The following EHBP1L1 variants were observed in gnomAD, a reference collection of about 807,000 sequenced individuals.
EHBP1L1 encodes EH domain-binding protein 1-like protein 1.
A neutral mutation model predicts 151.1 loss-of-function variants in EHBP1L1; 122 were observed. The observed-to-expected ratio is 0.81, with a 90% CI of 0.70 to 0.94. The LOEUF is 0.94. Among genes scored for constraint, EHBP1L1 ranks in the 40% least tolerant of loss-of-function variants. The pLI, the probability that EHBP1L1 is intolerant of heterozygous loss-of-function variation, is 0.00. For missense variants in EHBP1L1, 1,941 were observed against 1,959.8 expected, an observed-to-expected ratio of 0.99 and a Z score of 0.18; for synonymous variants, 878 against 810.1, an observed-to-expected ratio of 1.08 and a Z score of -1.42.
rs1264219391 is a variant in EHBP1L1, at chr11:65,580,411, C to T, written c.566C>T (p.Ala189Val). ...PSDVGNLDDF[A>V]ESDEDEAHGP... Reference sequence around the variant, plus strand: ...GATGTGGGCAACTTGGATGACTTTGCTGAGAGTGATGAAGATGAGGCTCAT... The same window carrying T: ...GATGTGGGCAACTTGGATGACTTTGTTGAGAGTGATGAAGATGAGGCTCAT... The change falls in exon 6 of 19, where the codon GCT (alanine) becomes GTT (valine). Residue 189 changes from alanine to valine, a missense_variant. Physicochemically the swap from Ala to Val is moderately conservative, Grantham distance 64. Coordinates refer to ENST00000309295, the MANE Select transcript of EHBP1L1 (RefSeq NM_001099409.3). The T allele has an allele frequency of 1.9e-6, 3 of 1,613,724 alleles. No homozygotes were observed. The highest frequency in any genetic ancestry group is 1.7e-5 in the Admixed American group (1 of 60,018).
chr11:65,580,095 G>A lies in EHBP1L1; in HGVS notation c.327G>A (p.Gln109=). 6.2e-7 allele frequency: 1 copy of A among 1,613,118 alleles called. No homozygotes were observed. The highest frequency in any genetic ancestry group is 8.5e-7 in the Non-Finnish European group (1 of 1,179,398). ...CTGGCCCACAGGAGTCTAAGGGGCA[G>A]CGGAAGGTGCTGGCCACGGCCGAGG... ...TFIIENESKG[Q]RKVLATAEVD... Residue 109 remains glutamine, a synonymous_variant, in exon 5 of 19, where the codon CAG becomes CAA. Transcript: ENST00000309295.
rs73490441 is a variant in EHBP1L1, at chr11:65,584,215, C to T, written c.3094-26C>T. 5.5e-4 allele frequency: 876 copies of T among 1,600,946 alleles called. 6 individuals carry two copies. In the African/African-American group the frequency reaches 0.01, roughly 19 times the overall value. Reference sequence around the variant, plus strand: ...AGGGCATACATCCCATTTATACATTCCCTAAGCCCACCCCTGTGTCCTCAG... The same window carrying T: ...AGGGCATACATCCCATTTATACATTTCCTAAGCCCACCCCTGTGTCCTCAG... On this transcript the variant is annotated intron_variant, in intron 9 of 18. Coordinates refer to ENST00000309295, the MANE Select transcript of EHBP1L1 (RefSeq NM_001099409.3).
chr11:65,581,296 G>C lies in EHBP1L1; in HGVS notation c.789G>C (p.Gly263=). The C allele has an allele frequency of 6.2e-7, 1 of 1,612,018 alleles. No individual in the cohort carries two copies. Among genetic ancestry groups the C allele is most frequent in the South Asian group, 1.1e-5 (1 of 91,026 alleles). ...CAGCCAGAACCTCCCGAGGCCAGGG[G>C]TCAGAACGAGCTAATGAAGCGGGGG... The part of the protein sequence containing the change: ...APPARTSRGQ[G]SERANEAGGQ... Residue 263 remains glycine, a synonymous_variant, in exon 8 of 19, where the codon GGG becomes GGC. Coordinates refer to ENST00000309295, the MANE Select transcript of EHBP1L1 (RefSeq NM_001099409.3).
chr11:65,579,061 C>T lies in EHBP1L1; in HGVS notation c.105-17C>T. 6.4e-7 allele frequency: 1 copy of T among 1,572,134 alleles called. No individual in the cohort carries two copies. Among genetic ancestry groups the T allele is most frequent in the Non-Finnish European group, 8.6e-7 (1 of 1,158,750 alleles). On this transcript the variant is annotated splice_polypyrimidine_tract_variant and intron_variant, in intron 1 of 18. Coordinates refer to ENST00000309295, the MANE Select transcript of EHBP1L1 (RefSeq NM_001099409.3). ...AGCAGCCTGCTCCCTTTCTCCCTCC[C>T]CTTCCCCCTCCCCCAGGCAGCCAGA...
chr11:65,584,915 G>A (rs1476864029), intron 11 of EHBP1L1, 44 bp from the exon 12 acceptor site: 3 of 1,526,784 alleles, frequency 2.0e-6, no homozygotes, highest in Non-Finnish European at 2.6e-6. Flanking sequence ...GCCGGGTGGC[G>A]CGGGCCACCG....
Position 65,582,585 on chromosome 11 carries a change from TG to T in EHBP1L1, c.1918del (p.Val640SerfsTer2). The T allele has an allele frequency of 6.2e-7, 1 of 1,612,808 alleles. No individual in the cohort carries two copies. Among genetic ancestry groups the T allele is most frequent in the Non-Finnish European group, 8.5e-7 (1 of 1,179,656 alleles). On this transcript the variant is annotated frameshift_variant, in exon 9 of 19. Coordinates refer to ENST00000309295, the MANE Select transcript of EHBP1L1 (RefSeq NM_001099409.3). LOFTEE classifies it high-confidence loss of function. Reference sequence around the variant, plus strand: ...GGACTGGAGACCCAGGAAACAGAGGTGGGGGTCATAGAGACCCCAGGGACAG... The same window carrying T: ...GGACTGGAGACCCAGGAAACAGAGGTGGGGTCATAGAGACCCCAGGGACAG... ...CEGLETQETE[V>X]GVIETPGTET... is the part of the protein sequence containing the mutation.
chr11:65,589,959 C>T lies in EHBP1L1; in HGVS notation c.4027C>T (p.Pro1343Ser), dbSNP rs772557430. 3.2e-5 allele frequency: 51 copies of T among 1,578,494 alleles called. No homozygotes were observed. Among genetic ancestry groups the T allele is most frequent in the Non-Finnish European group, 3.7e-5 (43 of 1,158,530 alleles). Residue 1343 changes from proline (P) to serine (S), a missense_variant, in exon 14 of 19, where the codon CCA becomes TCA. Pro to Ser is a moderately conservative substitution (Grantham distance 74, BLOSUM62 -1). Coordinates refer to ENST00000309295, the MANE Select transcript of EHBP1L1 (RefSeq NM_001099409.3). Reference protein sequence around the residue: ...PPGGSSPSEEPPPSPGEEAGL... With the variant: ...PPGGSSPSEESPPSPGEEAGL... Reference sequence around the variant, plus strand: ...AGGTGGGAGTTCCCCCTCGGAGGAACCACCCCCAAGCCCAGGGGAGGAGGC... The same window carrying T: ...AGGTGGGAGTTCCCCCTCGGAGGAATCACCCCCAAGCCCAGGGGAGGAGGC...
intron 12 of EHBP1L1, among the ~76,000 whole-genome samples, chr11:65,587,871 G>A (rs1242344055): frequency 1.3e-5 from 2 of 152,162 alleles, no homozygotes; most frequent in Non-Finnish European, 2.9e-5. Context: ...GAGGGTCGTG[G>A]TCCCTGCCTC....
intron 12 of EHBP1L1, among the ~76,000 whole-genome samples, chr11:65,587,856 G>A (rs370026509): frequency 1.1e-4 from 16 of 152,342 alleles, no homozygotes; most frequent in African/African-American, 3.4e-4. Context: ...CATCTGTAAA[G>A]TGGGGAGGGT....
rs57378553 is a variant in EHBP1L1, at chr11:65,576,780, C to T, written c.104+374C>T. On this transcript the variant is annotated intron_variant, in intron 1 of 18. Coordinates refer to ENST00000309295, the MANE Select transcript of EHBP1L1 (RefSeq NM_001099409.3). ...TTTTGAGGTCTGCAGGTGGCTAGGG[C>T]TGGGGCAGGAGCCTCCCTGACCTTA... 4.1e-3 allele frequency among the ~76,000 whole-genome samples: 618 copies of T among 152,252 alleles called. 5 individuals are homozygous for T. Among genetic ancestry groups the T allele is most frequent in the African/African-American group, 0.013 (554 of 41,532 alleles).
In EHBP1L1 at chr11:65,585,546, C is replaced by T; in HGVS notation, c.3888C>T (p.Phe1296=). The change falls in exon 12 of 19, where the codon TTC becomes TTT. Residue 1296 remains phenylalanine (F), a synonymous_variant. Transcript: ENST00000309295. This position sits in a 1 kb window ranked among gnomAD's most constrained non-coding sequence, Gnocchi z 4.0. ...RRSRLRNSSS[F]SMDDPDAGAM... is the part of the protein sequence containing the mutation. ...CGCGGCTGCGGAACAGCAGCTCGTT[C>T]TCGATGGACGATCCGGACGCGGGAG... The T allele has an allele frequency of 1.3e-6, 2 of 1,581,640 alleles. No individual in the cohort carries two copies. Among genetic ancestry groups the T allele is most frequent in the East Asian group, 4.6e-5 (2 of 43,518 alleles).
intron 3 of EHBP1L1, among the ~76,000 whole-genome samples, 200 bp from the exon 4 acceptor site, chr11:65,579,736 A>C (rs927680404): frequency 1.3e-5 from 2 of 151,196 alleles, no homozygotes; most frequent in African/African-American, 4.9e-5. Context: ...CTGAGGCACG[A>C]GAATTGCTTG....
chr11:65,583,662 C>G lies in EHBP1L1; in HGVS notation c.2990C>G (p.Ala997Gly), dbSNP rs1186194801. The G allele has an allele frequency of 6.3e-7, 1 of 1,590,898 alleles. No homozygotes were observed. The highest frequency in any genetic ancestry group is 2.3e-5 in the East Asian group (1 of 43,936). Residue 997 changes from alanine to glycine, a missense_variant, in exon 9 of 19, where the codon GCC becomes GGC. Transcript: ENST00000309295. ...GKEAEGSLTEASLPEAQVASG... is the reference protein window; with the variant it reads ...GKEAEGSLTEGSLPEAQVASG... ...GAAGCTGAGGGAAGCCTCACAGAGGCCAGCCTGCCTGAAGCACAGGTGGCC... is the reference window on the plus strand; with the variant it reads ...GAAGCTGAGGGAAGCCTCACAGAGGGCAGCCTGCCTGAAGCACAGGTGGCC...
chr11:65,580,440 C>T lies in EHBP1L1; in HGVS notation c.595C>T (p.Pro199Ser), dbSNP rs368490204. The change falls in exon 6 of 19, where the codon CCA becomes TCA. Residue 199 changes from proline to serine, a missense_variant. Physicochemically the swap from Pro to Ser is moderately conservative, Grantham distance 74 (BLOSUM62 -1). Transcript: ENST00000309295. Reference protein sequence around the residue: ...AESDEDEAHGPGAPEARARVP... With the variant: ...AESDEDEAHGSGAPEARARVP... Reference sequence around the variant, plus strand: ...GAGTGATGAAGATGAGGCTCATGGCCCAGGAGCCCCGGAGGCCCGGGCTCG... The same window carrying T: ...GAGTGATGAAGATGAGGCTCATGGCTCAGGAGCCCCGGAGGCCCGGGCTCG... The T allele has an allele frequency of 6.2e-7, 1 of 1,613,384 alleles. No individual in the cohort carries two copies. Among genetic ancestry groups the T allele is most frequent in the African/African-American group, 1.3e-5 (1 of 74,914 alleles).
Position 65,592,266 on chromosome 11 carries a change from G to A in EHBP1L1, c.4536G>A (p.Arg1512=). The change falls in exon 19 of 19, where the codon CGG becomes CGA. Residue 1512 remains arginine, a synonymous_variant. Coordinates refer to ENST00000309295, the MANE Select transcript of EHBP1L1 (RefSeq NM_001099409.3). The part of the protein sequence containing the change: ...GLEQRRRKLS[R]QLSRRERCVL... Reference sequence around the variant, plus strand: ...AACAGCGGCGCCGCAAGCTGAGCCGGCAGTTGAGCCGGCGGGAGCGCTGCG... The same window carrying A: ...AACAGCGGCGCCGCAAGCTGAGCCGACAGTTGAGCCGGCGGGAGCGCTGCG... The A allele has an allele frequency of 6.5e-7, 1 of 1,532,050 alleles. No individual in the cohort carries two copies. The highest frequency in any genetic ancestry group is 1.2e-5 in the South Asian group (1 of 84,042). 94.9% of individuals were successfully genotyped at this position (1,532,050 alleles called of 1,614,324 possible).
chr11:65,582,826 G>A lies in EHBP1L1; in HGVS notation c.2154G>A (p.Gly718=), dbSNP rs959111313. Residue 718 remains glycine (G), a synonymous_variant, in exon 9 of 19, where the codon GGG becomes GGA. Transcript: ENST00000309295. The part of the protein sequence containing the change: ...ASRVPESEAE[G]TEAKILGTQE... ...GGGTACCAGAGTCAGAGGCTGAGGGGACAGAAGCTAAAATATTAGGGACCC... is the reference window on the plus strand; with the variant it reads ...GGGTACCAGAGTCAGAGGCTGAGGGAACAGAAGCTAAAATATTAGGGACCC... The A allele has an allele frequency of 8.7e-6, 14 of 1,613,408 alleles. No individual in the cohort carries two copies. The highest frequency in any genetic ancestry group is 5.0e-5 in the Admixed American group (3 of 59,980).
chr11:65,579,115 A>G lies in EHBP1L1; in HGVS notation c.142A>G (p.Asn48Asp). The G allele has an allele frequency of 1.3e-6, 2 of 1,595,440 alleles. No homozygotes were observed. Among genetic ancestry groups the G allele is most frequent in the Non-Finnish European group, 1.7e-6 (2 of 1,171,214 alleles). Residue 48 changes from asparagine (N) to aspartate (D), a missense_variant, in exon 2 of 19, where the codon AAC becomes GAC. By Grantham distance (23) the Asn-to-Asp change is conservative (BLOSUM62 1). Transcript: ENST00000309295. ...DKLVVVWTRR[N>D]RRICSKAHSW... ...GCTGGTGGTGGTATGGACCCGTCGG[A>G]ACCGACGCATCTGCTCCAAGGTGGG...
Position 65,582,055 on chromosome 11 carries a change from C to G in EHBP1L1, c.1383C>G (p.Gly461=). 1 of 1,612,986 alleles carries G rather than the reference C, an allele frequency of 6.2e-7. No homozygotes were observed. Residue 461 remains glycine (G), a synonymous_variant, in exon 9 of 19, where the codon GGC becomes GGG. Coordinates refer to ENST00000309295, the MANE Select transcript of EHBP1L1 (RefSeq NM_001099409.3). ...GGACCCCTGAGGCTCCTCCAAGGGG[C>G]TCTCAGGGGAGGCTGGGAGTCAGGA... ...CRGTPEAPPR[G]SQGRLGVRTR...
Position 65,579,132 on chromosome 11 carries a change from C to T in EHBP1L1, c.159C>T (p.Ser53=), listed in dbSNP as rs1363556553. 6.3e-7 allele frequency: 1 copy of T among 1,592,890 alleles called. No individual in the cohort carries two copies. Among genetic ancestry groups the T allele is most frequent in the Non-Finnish European group, 8.5e-7 (1 of 1,169,902 alleles). The change falls in exon 2 of 19, where the codon TCC becomes TCT. Residue 53 remains serine (S), a synonymous_variant. Coordinates refer to ENST00000309295, the MANE Select transcript of EHBP1L1 (RefSeq NM_001099409.3). ...VWTRRNRRIC[S]KAHSWQPGIQ... ...CCCGTCGGAACCGACGCATCTGCTC[C>T]AAGGTGGGGAAGGATGGCAACTGGG...
Sources: allele counts gnomAD v4.1 joint callset (sites outside exome capture counted in the v4.1 genomes callset), GRCh38; gene constraint gnomAD v4.1.1; non-coding constraint Gnocchi (gnomAD v3.1); transcripts MANE v1.5; gene names NCBI Gene and HGNC (gene_info 2026-07-23, HGNC 2026-07-21).